The following MAGI2 variants were observed in gnomAD, a reference collection of about 807,000 sequenced individuals.
MAGI2 encodes membrane-associated guanylate kinase, WW and PDZ domain-containing protein 2.
A neutral mutation model predicts 133.3 loss-of-function variants in MAGI2; 35 were observed. That is an observed-to-expected ratio of 0.26 (90% confidence interval 0.20 to 0.35). MAGI2 has a LOEUF of 0.35. MAGI2 is among the 10% of genes least tolerant of loss of function. MAGI2 has a pLI of 1.00. For missense variants in MAGI2, 1,636 were observed against 1,863.4 expected (o/e 0.88, Z 2.25); for synonymous variants, 729 against 710.6 (o/e 1.03, Z -0.41).
intron 3 of MAGI2, among the ~76,000 whole-genome samples, chr7:78,581,811 A>G (rs1802867198): frequency 6.6e-6 from 1 of 152,114 alleles, no homozygotes; most frequent in Non-Finnish European, 1.5e-5. Context: ...GAAGAAGAGG[A>G]CTGTTGTGGA....
chr7:78,521,684 T>G, intron 3 of MAGI2, 39 bp from the exon 4 acceptor site: 1 of 1,538,826 alleles, frequency 6.5e-7, no homozygotes, highest in South Asian at 1.1e-5. Context: ...GTTAAATATT[T>G]CTTCTACCAT....
chr7:79,098,794 G>T (rs1350449120), intron 1 of MAGI2, among the ~76,000 whole-genome samples: 2 of 152,168 alleles, frequency 1.3e-5, no homozygotes, highest in East Asian at 3.9e-4. Flanking sequence ...TTTGAGACAT[G>T]AAATAAATGG....
intron 16 of MAGI2, among the ~76,000 whole-genome samples, chr7:78,148,202 C>T (rs192477889): frequency 3.9e-5 from 6 of 152,250 alleles, no homozygotes; most frequent in African/African-American, 1.4e-4. Context: ...GAATATTATT[C>T]AGCAATTGAA....
chr7:78,370,116 T>G (rs1190559917), intron 6 of MAGI2, among the ~76,000 whole-genome samples: 2 of 152,086 alleles, frequency 1.3e-5, no homozygotes, highest in Admixed American at 1.3e-4. Flanking sequence ...TATGTATCAC[T>G]GTAGACAAAG....
chr7:79,207,401 C>A (rs1200323207), intron 1 of MAGI2, among the ~76,000 whole-genome samples: 1 of 151,828 alleles, frequency 6.6e-6, no homozygotes, highest in South Asian at 2.1e-4. Context: ...ATTTAAAAAT[C>A]AGTAGAATTT....
intron 3 of MAGI2, among the ~76,000 whole-genome samples, chr7:78,604,743 T>C (rs948246789): frequency 2.0e-5 from 3 of 152,242 alleles, no homozygotes; most frequent in Non-Finnish European, 4.4e-5. Context: ...ATTTCTCTGT[T>C]TCAATATATT....
At chr7:78,751,075 T>C (rs886892654) in intron 2 of MAGI2, among the ~76,000 whole-genome samples, 2 of 152,154 alleles carry the variant, frequency 1.3e-5, no homozygotes, top group Non-Finnish European at 2.9e-5. Flanking sequence ...AGAAAAAGAA[T>C]ATGCTTCTAG....
chr7:78,466,746 T>C (rs1273868322), intron 6 of MAGI2, among the ~76,000 whole-genome samples: 1 of 152,074 alleles, frequency 6.6e-6, no homozygotes, highest in East Asian at 1.9e-4. Context: ...TATTAACTCA[T>C]TTAATAGACA....
chr7:79,050,050 T>C (rs1022674436), intron 1 of MAGI2, among the ~76,000 whole-genome samples: 2 of 152,188 alleles, frequency 1.3e-5, no homozygotes, highest in Non-Finnish European at 2.9e-5. Context: ...CATGAAGCTT[T>C]GGTTGAAATT....
chr7:78,813,490 A>G (rs1789253927), intron 2 of MAGI2, among the ~76,000 whole-genome samples: 1 of 152,186 alleles, frequency 6.6e-6, no homozygotes, highest in South Asian at 2.1e-4. Context: ...TTTATGAGCA[A>G]AACTATCAGC....
chr7:78,753,971 T>A (rs1424585748), intron 2 of MAGI2, among the ~76,000 whole-genome samples: 2 of 152,112 alleles, frequency 1.3e-5, no homozygotes, highest in African/African-American at 2.4e-5. Context: ...GTAAAAATCA[T>A]CACTTGTGGT....
Position 78,690,425 on chromosome 7 carries a change from C to A in MAGI2, c.419-63186G>T, listed in dbSNP as rs533682982. ...CCGCTGCTCCCTGCTTAACTGTCAT[C>A]ATAGCATTAAGAAGCAAAAATATTT... On this transcript the variant is annotated intron_variant, in intron 2 of 21. Coordinates refer to ENST00000354212, the MANE Select transcript of MAGI2 (RefSeq NM_012301.4). Among the ~76,000 whole-genome samples, 4 of 152,292 alleles carry A rather than the reference C, an allele frequency of 2.6e-5. No individual in the cohort carries two copies. In the East Asian group the frequency reaches 5.8e-4, roughly 22 times the overall value.
chr7:78,051,952 G>C (rs7788282), intron 21 of MAGI2, among the ~76,000 whole-genome samples: 26,011 of 147,716 alleles, frequency 0.18, 3,327 homozygotes, highest in African/African-American at 0.36. Flanking sequence ...GGCAGCATCA[G>C]AGCTCACTGC....
chr7:78,476,882 TAAA>T (rs57387572), intron 6 of MAGI2, among the ~76,000 whole-genome samples: 128,887 of 150,834 alleles, frequency 0.85, 55,451 homozygotes, highest in African/African-American at 0.96. Flanking sequence ...TCTTCACTAG[TAAA>T]AAAAAAAAAA....
chr7:78,489,495 G>T (rs903248870), intron 6 of MAGI2, among the ~76,000 whole-genome samples: 1 of 152,034 alleles, frequency 6.6e-6, no homozygotes, highest in Non-Finnish European at 1.5e-5. Context: ...CTTAGTAGGT[G>T]GTGGAAAGTC....
intron 6 of MAGI2, among the ~76,000 whole-genome samples, chr7:78,457,684 G>A (rs903083409): frequency 5.3e-5 from 8 of 152,126 alleles, no homozygotes; most frequent in African/African-American, 1.7e-4. Flanking sequence ...TGGTATGTTA[G>A]ACATTTTACA....
At chr7:78,580,204 A>G (rs949566851) in intron 3 of MAGI2, among the ~76,000 whole-genome samples, 14 of 152,224 alleles carry the variant, frequency 9.2e-5, no homozygotes, top group African/African-American at 1.9e-4. Flanking sequence ...AATTAATAAG[A>G]TAGATCAAAA....
At chr7:79,058,007 G>A (rs572982287) in intron 1 of MAGI2, among the ~76,000 whole-genome samples, 2 of 151,264 alleles carry the variant, frequency 1.3e-5, no homozygotes, top group African/African-American at 4.9e-5. Context: ...ATAAACAGGA[G>A]GGAAAAGCTG....
At chr7:79,263,814 A>G (rs1834247635) in intron 1 of MAGI2, among the ~76,000 whole-genome samples, 2 of 152,232 alleles carry the variant, frequency 1.3e-5, no homozygotes, top group African/African-American at 4.8e-5. Context: ...TTAATTGTAT[A>G]GTAGCCATAT....
Sources: allele counts gnomAD v4.1 joint callset (sites outside exome capture counted in the v4.1 genomes callset), GRCh38; gene constraint gnomAD v4.1.1; transcripts MANE v1.5; gene names NCBI Gene and HGNC (gene_info 2026-07-23, HGNC 2026-07-21).